The following ANO2 variants were observed in gnomAD, a reference collection of about 807,000 sequenced individuals.
ANO2 encodes anoctamin 2.
ANO2 carries 101 observed loss-of-function variants against 124.2 expected under a neutral mutation model. The ratio of observed to expected loss-of-function variants is 0.81; its 90% CI spans 0.69 to 0.96. The LOEUF (loss-of-function observed/expected upper bound fraction) is 0.96. ANO2 is among the 40% of genes least tolerant of loss of function. The pLI, the probability that ANO2 is intolerant of heterozygous loss-of-function variation, is 0.00. For missense variants in ANO2, 1,293 were observed against 1,274.5 expected (o/e 1.01, Z -0.22); for synonymous variants, 486 against 482.5 (o/e 1.01, Z -0.09).
chr12:5,620,430 C>T (rs1945054489), intron 16 of ANO2, among the ~76,000 whole-genome samples: 1 of 152,116 alleles, frequency 6.6e-6, no homozygotes, highest in Non-Finnish European at 1.5e-5. Flanking sequence ...GCATTGCCCG[C>T]TAGGGAATCT....
intron 17 of ANO2, 39 bp from the exon 18 acceptor site, chr12:5,612,997 A>G: frequency 6.2e-7 from 1 of 1,606,954 alleles, no homozygotes. Context: ...GGGGAAGAGA[A>G]AGCATGCAGG....
chr12:5,694,773 T>C (rs1754127486), intron 14 of ANO2, among the ~76,000 whole-genome samples: 2 of 152,164 alleles, frequency 1.3e-5, no homozygotes, highest in African/African-American at 4.8e-5. Flanking sequence ...TTAACTAGCA[T>C]TAATTTTCAT....
At chr12:5,793,933 T>C (rs972758418) in intron 10 of ANO2, among the ~76,000 whole-genome samples, 1 of 152,142 alleles carries the variant, frequency 6.6e-6, no homozygotes, top group African/African-American at 2.4e-5. Flanking sequence ...ATGGAGGAAA[T>C]GAGAGAAAGG....
chr12:5,711,239 A>T (rs1949806425), intron 14 of ANO2, among the ~76,000 whole-genome samples: 1 of 152,132 alleles, frequency 6.6e-6, no homozygotes. Flanking sequence ...CAGATCCCTC[A>T]GGAATGTCTT....
Position 5,681,181 on chromosome 12 carries a change from C to T in ANO2, c.1546-33380G>A, listed in dbSNP as rs186626689. ...AAAGAGACTCCAGGTAAACCCAGAGCAACAGGCAGCATTTCAGGTGAAAGT... is the reference window on the plus strand; with the variant it reads ...AAAGAGACTCCAGGTAAACCCAGAGTAACAGGCAGCATTTCAGGTGAAAGT... On this transcript the variant is annotated intron_variant, in intron 14 of 24. Coordinates refer to ENST00000682330, the MANE Select transcript of ANO2 (RefSeq NM_001364791.2). 1.4e-4 allele frequency among the ~76,000 whole-genome samples: 21 copies of T among 152,300 alleles called. No individual in the cohort carries two copies. In the East Asian group the frequency reaches 3.1e-3, roughly 22 times the overall value.
At chr12:5,931,799 G>C (rs28694147) in intron 1 of ANO2, among the ~76,000 whole-genome samples, 28 of 44,592 alleles carry the variant, frequency 6.3e-4, no homozygotes, top group South Asian at 4.4e-3. Context: ...GAAGGCAGAC[G>C]AGTGAGGAAA....
chr12:5,744,369 C>A, intron 11 of ANO2, 52 bp from the exon 12 acceptor site: 1 of 1,598,944 alleles, frequency 6.3e-7, no homozygotes, highest in African/African-American at 1.3e-5. Flanking sequence ...ATGGTCCACT[C>A]CAAGAAAAAT....
intron 6 of ANO2, among the ~76,000 whole-genome samples, chr12:5,830,133 A>G (rs1954104038): frequency 1.3e-5 from 2 of 152,178 alleles, no homozygotes; most frequent in East Asian, 3.8e-4. Flanking sequence ...TTGTAAATCA[A>G]GGGGTTCACC....
chr12:5,782,669 A>G (rs976085777), intron 10 of ANO2, among the ~76,000 whole-genome samples: 3 of 152,140 alleles, frequency 2.0e-5, no homozygotes, highest in Non-Finnish European at 4.4e-5. Flanking sequence ...TCTACATTTT[A>G]TAGGTTTTTC....
At chr12:5,914,074 C>CA (rs1941224539) in intron 3 of ANO2, among the ~76,000 whole-genome samples, 1 of 152,080 alleles carries the variant, frequency 6.6e-6, no homozygotes, top group Non-Finnish European at 1.5e-5. Flanking sequence ...GTGTTGTGCA[C>CA]CTGTAATCCC....
At chr12:5,916,110 C>T (rs1941360446) in intron 3 of ANO2, among the ~76,000 whole-genome samples, 2 of 151,962 alleles carry the variant, frequency 1.3e-5, no homozygotes, top group South Asian at 2.1e-4. Context: ...AGCCCCGTCT[C>T]TACAAAAAAT....
At chr12:5,750,328 C>T (rs1951398482) in intron 11 of ANO2, among the ~76,000 whole-genome samples, 1 of 152,170 alleles carries the variant, frequency 6.6e-6, no homozygotes, top group Admixed American at 6.5e-5. Flanking sequence ...GCTATTCCTC[C>T]CTGCAGTTTC....
chr12:5,577,611 A>G (rs1386699881), intron 22 of ANO2, among the ~76,000 whole-genome samples: 1 of 152,240 alleles, frequency 6.6e-6, no homozygotes, highest in Non-Finnish European at 1.5e-5. Context: ...TTAACTCAGG[A>G]GTAGAGTAAG....
chr12:5,717,969 T>C lies in ANO2; in HGVS notation c.1545+14551A>G, dbSNP rs117672360. On this transcript the variant is annotated intron_variant, in intron 14 of 24. Transcript: ENST00000682330. The stretch of plus-strand genomic sequence containing the variant: ...AGAGCGGACCACATGGGCAGGCTTC[T>C]TTCTTTCCAGTAAGGTTTGGAGAAT... Among the ~76,000 whole-genome samples the C allele has an allele frequency of 3.3e-3, 505 of 152,366 alleles. 2 individuals are homozygous for C. Among genetic ancestry groups the C allele is most frequent in the Admixed American group, 6.8e-3 (104 of 15,306 alleles).
intron 14 of ANO2, among the ~76,000 whole-genome samples, chr12:5,727,809 TTC>T (rs1281530821): frequency 1.9e-4 from 28 of 151,280 alleles, no homozygotes; most frequent in African/African-American, 6.6e-4. Context: ...GGCTACTTTT[TTC>T]TTTTTTTTTT....
intron 3 of ANO2, among the ~76,000 whole-genome samples, chr12:5,906,011 T>C (rs1312563087): frequency 6.6e-6 from 1 of 152,156 alleles, no homozygotes; most frequent in Non-Finnish European, 1.5e-5. Flanking sequence ...GGGCTGCAGA[T>C]TGCTGTGGTG....
At chr12:5,903,153 T>C (rs532887107) in intron 3 of ANO2, among the ~76,000 whole-genome samples, 5 of 151,988 alleles carry the variant, frequency 3.3e-5, no homozygotes, top group Admixed American at 3.3e-4. Context: ...AGTCTCATGC[T>C]GGTCTGTAAA....
intron 14 of ANO2, among the ~76,000 whole-genome samples, chr12:5,657,642 G>A (rs55769465): frequency 0.17 from 26,163 of 152,008 alleles, 2,594 homozygotes; most frequent in South Asian, 0.31. Context: ...CAGGGAGGAG[G>A]TACAAGTGGC....
rs558887022 is a variant in ANO2 at position 5,744,184 on chromosome 12, A to C, written c.1324T>G (p.Phe442Val). 23 of 1,613,204 alleles carry C rather than the reference A, an allele frequency of 1.4e-5. No individual in the cohort carries two copies. The African/African-American group carries it at 1.6e-4, about 11-fold the overall frequency. Reference sequence around the variant, plus strand: ...CACAGAGCCATGAAGATAGAGAAGAAGACGGTGGCAGGGTTGTCAAACAGG... The same window carrying C: ...CACAGAGCCATGAAGATAGAGAAGACGACGGTGGCAGGGTTGTCAAACAGG... The part of the protein sequence containing the change: ...SHLFDNPATV[F>V]FSIFMALWAT... Residue 442 changes from phenylalanine to valine, a missense_variant, in exon 12 of 25, where the codon TTC (phenylalanine) becomes GTC (valine). Physicochemically the swap from Phe to Val is conservative, Grantham distance 50. Transcript: ENST00000682330.
Sources: allele counts gnomAD v4.1 joint callset (sites outside exome capture counted in the v4.1 genomes callset), GRCh38; gene constraint gnomAD v4.1.1; transcripts MANE v1.5; gene names NCBI Gene and HGNC (gene_info 2026-07-23, HGNC 2026-07-21).